Variants in QTGAL observed in about 807,000 individuals in gnomAD.
QTGAL encodes queuosine-tRNA galactosyltransferase.
At chr17:82,946,205 G>C in the QTGAL span, among the ~76,000 whole-genome samples, 1 of 152,232 alleles carries the variant, frequency 6.6e-6, no homozygotes, top group East Asian at 1.9e-4. Flanking sequence ...AGAATGGCAA[G>C]AGGAAAAGGC....
At chr17:82,943,198 TAGG>T in the QTGAL span, 2 of 152,332 alleles carry the variant, frequency 1.3e-5, no homozygotes, top group Admixed American at 1.3e-4. Context: ...TACACTGTCT[TAGG>T]AGAGCCTGGG....
chr17:82,974,672 G>A, the QTGAL span, among the ~76,000 whole-genome samples: 13 of 152,286 alleles, frequency 8.5e-5, no homozygotes, highest in South Asian at 2.1e-4. Context: ...CCCCCACAGC[G>A]GGTGTCCCTG....
the QTGAL span, among the ~76,000 whole-genome samples, chr17:82,972,096 A>G: frequency 1.6e-5 from 1 of 61,442 alleles, no homozygotes; most frequent in African/African-American, 7.3e-5. Context: ...CATGGGCCAG[A>G]AGGACCTGGT....
the QTGAL span, among the ~76,000 whole-genome samples, chr17:83,024,323 C>T: frequency 1.1e-3 from 168 of 152,308 alleles, no homozygotes; most frequent in African/African-American, 3.8e-3. Flanking sequence ...AATTCAGCAT[C>T]GACTCCCTCC....
At chr17:83,014,508 C>G in the QTGAL span, 4 of 1,614,144 alleles carry the variant, frequency 2.5e-6, no homozygotes, top group Non-Finnish European at 3.4e-6. Context: ...GCTGGGGCAT[C>G]ATGACGTCAT....
At chr17:83,018,700 A>C in the QTGAL span, among the ~76,000 whole-genome samples, 1 of 152,248 alleles carries the variant, frequency 6.6e-6, no homozygotes, top group Non-Finnish European at 1.5e-5. Flanking sequence ...AAAGGTCGCA[A>C]TGGGCCGGGC....
chr17:82,942,627 C>T, the QTGAL span: 159 of 844,754 alleles, frequency 1.9e-4, no homozygotes, highest in East Asian at 9.6e-4. Context: ...TCTGCACCTG[C>T]GCTCTGGTGA....
the QTGAL span, among the ~76,000 whole-genome samples, chr17:82,966,091 T>TC: frequency 6.6e-6 from 1 of 151,650 alleles, no homozygotes; most frequent in Admixed American, 6.6e-5. Flanking sequence ...TACTTTTTTT[T>TC]TTTTTTTGTA....
At chr17:83,023,210 T>C in the QTGAL span, among the ~76,000 whole-genome samples, 10 of 73,296 alleles carry the variant, frequency 1.4e-4, no homozygotes, top group Admixed American at 4.3e-4. Flanking sequence ...CACATGAGCT[T>C]AGCACTGTCC....
chr17:83,029,786 C>T, the QTGAL span, among the ~76,000 whole-genome samples: 2 of 152,218 alleles, frequency 1.3e-5, no homozygotes, highest in Non-Finnish European at 2.9e-5. Flanking sequence ...CTCCCTGCAA[C>T]CCTGGCGTTA....
At chr17:83,051,325 CGCGGGGAAGGAGCGCGGGGCAG>C in the QTGAL span, among the ~76,000 whole-genome samples, 1 of 134,118 alleles carries the variant, frequency 7.5e-6, no homozygotes, top group Admixed American at 7.6e-5. Flanking sequence ...GGTGTGCGGG[CGCGGGGAAGGAGCGCGGGGCAG>C]GCGGGCGGGG....
chr17:83,028,539 G>GA, the QTGAL span, among the ~76,000 whole-genome samples: 876 of 133,510 alleles, frequency 6.6e-3, 15 homozygotes, highest in African/African-American at 0.023. Flanking sequence ...AAAAAAAAAA[G>GA]AAAAAAAAAG....
chr17:82,953,644 A>G, the QTGAL span, among the ~76,000 whole-genome samples: 4 of 150,422 alleles, frequency 2.7e-5, no homozygotes, highest in African/African-American at 4.9e-5. Context: ...AAAAGGGACT[A>G]CTAACTCATG....
At chr17:82,958,402 G>A in the QTGAL span, among the ~76,000 whole-genome samples, 4 of 152,200 alleles carry the variant, frequency 2.6e-5, no homozygotes, top group Non-Finnish European at 5.9e-5. Context: ...CTCCGGGGTG[G>A]GGTCTGGGCC....
At chr17:83,026,458 C>A in the QTGAL span, among the ~76,000 whole-genome samples, 1 of 152,270 alleles carries the variant, frequency 6.6e-6, no homozygotes, top group Non-Finnish European at 1.5e-5. Flanking sequence ...CCAAACAAAC[C>A]GCAGAGGACA....
the QTGAL span, among the ~76,000 whole-genome samples, chr17:83,017,533 G>A: frequency 2.0e-5 from 3 of 152,234 alleles, no homozygotes; most frequent in South Asian, 6.2e-4. Context: ...CGAGGTACGA[G>A]AATCACTTGA....
the QTGAL span, among the ~76,000 whole-genome samples, chr17:83,009,294 C>T: frequency 6.6e-6 from 1 of 152,024 alleles, no homozygotes; most frequent in African/African-American, 2.4e-5. Context: ...CGTGGTGGCG[C>T]ACACCTGTAA....
the QTGAL span, among the ~76,000 whole-genome samples, chr17:82,968,442 G>A: frequency 4.4e-5 from 6 of 135,594 alleles, no homozygotes; most frequent in East Asian, 8.2e-4. Flanking sequence ...GTCAGCAACA[G>A]GGAAGGGAGG....
the QTGAL span, among the ~76,000 whole-genome samples, chr17:83,020,886 G>A: frequency 3.9e-5 from 6 of 152,272 alleles, no homozygotes; most frequent in African/African-American, 7.2e-5. Context: ...GGAAGACAGA[G>A]AGAGAGATCA....
Sources: gnomAD v4.1 joint callset for allele counts (sites outside exome capture counted in the v4.1 genomes callset) on GRCh38, gnomAD v4.1.1 for gene constraint, MANE v1.5 for transcripts, NCBI Gene and HGNC (gene_info 2026-07-23, HGNC 2026-07-21) for gene names.